SEPTIN7: variants seen among roughly 807,000 people sequenced by gnomAD.
SEPTIN7 encodes the protein septin-7.
SEPTIN7 carries 10 observed loss-of-function variants against 63.3 expected under a neutral mutation model. The observed-to-expected ratio is 0.16, with a 90% CI of 0.10 to 0.27. The LOEUF is 0.27. Ranked by LOEUF, SEPTIN7 falls within the 10% of genes least tolerant of loss-of-function variation. SEPTIN7 has a pLI of 1.00. For missense variants in SEPTIN7, 310 were observed against 521.0 expected, an observed-to-expected ratio of 0.59 and a Z score of 3.94; for synonymous variants, 131 against 165.3, an observed-to-expected ratio of 0.79 and a Z score of 1.59.
chr7:35,801,416 CCGGGGCGCGGCAGCGGCGGGCT>C (rs1787960254), intron 1 of SEPTIN7, 146 bp downstream of exon 1: 1 of 1,017,316 alleles, frequency 9.8e-7, no homozygotes, highest in African/African-American at 1.7e-5. Context: ...CACTGCGGGC[CCGGGGCGCGGCAGCGGCGGGCT>C]CGGGGGGAGG....
At chr7:35,840,102 C>T (rs1209984202) in intron 3 of SEPTIN7, among the ~76,000 whole-genome samples, 3 of 151,236 alleles carry the variant, frequency 2.0e-5, no homozygotes, top group South Asian at 2.1e-4. Flanking sequence ...TTCCCTTTTC[C>T]TTTTTCTTTT....
At chr7:35,833,807 C>G (rs1328852035) in intron 3 of SEPTIN7, among the ~76,000 whole-genome samples, 1 of 151,674 alleles carries the variant, frequency 6.6e-6, no homozygotes, top group Non-Finnish European at 1.5e-5. Context: ...TATTTTGGTG[C>G]TGAATTAGGT....
intron 10 of SEPTIN7, among the ~76,000 whole-genome samples, chr7:35,887,582 A>G (rs934239747): frequency 5.9e-5 from 9 of 152,296 alleles, no homozygotes; most frequent in Admixed American, 3.9e-4. Context: ...CCTGACCTCA[A>G]GTAAACCACC....
At chr7:35,832,603 T>C (rs534685882) in intron 2 of SEPTIN7, 195 bp from the exon 3 acceptor site, 1 of 487,010 alleles carries the variant, frequency 2.1e-6, no homozygotes, top group Admixed American at 3.4e-5. Flanking sequence ...AACCATTATA[T>C]TGTCAGTCAA....
At chr7:35,847,935 A>G (rs1230271313) in intron 3 of SEPTIN7, 2 of 152,200 alleles carry the variant, frequency 1.3e-5, no homozygotes, top group South Asian at 2.1e-4. Flanking sequence ...GAACCACTGT[A>G]TAGAACATGC....
At chr7:35,872,616 A>G in intron 4 of SEPTIN7, 50 bp from the exon 5 acceptor site, 1 of 1,389,442 alleles carries the variant, frequency 7.2e-7, no homozygotes, top group Admixed American at 1.7e-5. Context: ...CTTGTAGGAA[A>G]TCACTGATGT....
At chr7:35,877,692 T>C (rs1235602590) in intron 6 of SEPTIN7, among the ~76,000 whole-genome samples, 1 of 152,228 alleles carries the variant, frequency 6.6e-6, no homozygotes, top group African/African-American at 2.4e-5. Context: ...TCGGTTCTCA[T>C]TTAGAATTAC....
intron 3 of SEPTIN7, among the ~76,000 whole-genome samples, chr7:35,835,512 T>C (rs1298796001): frequency 6.6e-6 from 1 of 152,138 alleles, no homozygotes; most frequent in Non-Finnish European, 1.5e-5. Context: ...TGCTAGGAGA[T>C]GGCAGAACCA....
intron 3 of SEPTIN7, among the ~76,000 whole-genome samples, chr7:35,856,354 C>T (rs927037825): frequency 1.3e-5 from 2 of 152,092 alleles, no homozygotes; most frequent in African/African-American, 2.4e-5. Context: ...TCTGGATATA[C>T]CACAGTGTAT....
chr7:35,871,543 C>A lies in SEPTIN7; in HGVS notation c.277-1123C>A, dbSNP rs184180679. On this transcript the variant is annotated intron_variant, in intron 4 of 13. Coordinates refer to ENST00000350320, the MANE Select transcript of SEPTIN7 (RefSeq NM_001788.6). The stretch of plus-strand genomic sequence containing the variant: ...TTGGAGATGCAGTGTGGATACACAA[C>A]AATTCCATCATCTCAGAAAGTGTTA... 1.8e-3 allele frequency among the ~76,000 whole-genome samples: 269 copies of A among 152,316 alleles called. 2 individuals are homozygous for A. The highest frequency in any genetic ancestry group is 6.8e-3 in the Middle Eastern group (2 of 294).
Position 35,905,676 on chromosome 7 carries a change from C to T in SEPTIN7, c.*1383C>T, listed in dbSNP as rs1384892881. The T allele has an allele frequency of 4.6e-5, 7 of 152,176 alleles. No individual in the cohort carries two copies. The highest frequency in any genetic ancestry group is 1.9e-4 in the East Asian group (1 of 5,192). The allele number at this position is 152,176 out of a possible 1,614,324, so 9.4% of individuals were successfully genotyped here. On this transcript the variant is annotated 3_prime_UTR_variant, in exon 14 of 14. Coordinates refer to ENST00000350320, the MANE Select transcript of SEPTIN7 (RefSeq NM_001788.6). ...CTGGGATTGCAGGCGTGCACCACCA[C>T]GCCTGGCTAATTTTTGTATTTTTTG...
chr7:35,830,941 A>G (rs1783803332), intron 1 of SEPTIN7, among the ~76,000 whole-genome samples: 1 of 152,160 alleles, frequency 6.6e-6, no homozygotes, highest in Non-Finnish European at 1.5e-5. Flanking sequence ...TAATTAATAG[A>G]ACTTGAAATA....
Position 35,872,846 on chromosome 7 carries a change from A to G in SEPTIN7, c.377+80A>G, listed in dbSNP as rs140242520. On this transcript the variant is annotated intron_variant, in intron 5 of 13. Coordinates refer to ENST00000350320, the MANE Select transcript of SEPTIN7 (RefSeq NM_001788.6). ...TAAACTTTTTCTTCTTAACATTTTAAAACTTCTCATCTTAGCAAAGGTCAC... is the reference window on the plus strand; with the variant it reads ...TAAACTTTTTCTTCTTAACATTTTAGAACTTCTCATCTTAGCAAAGGTCAC... The G allele has an allele frequency of 2.4e-5, 23 of 951,936 alleles. No individual in the cohort carries two copies. In the African/African-American group the frequency reaches 2.9e-4, roughly 12 times the overall value. 59.0% of individuals were successfully genotyped at this position (951,936 alleles called of 1,614,324 possible).
At chr7:35,888,206 T>C (rs1227778815) in intron 10 of SEPTIN7, among the ~76,000 whole-genome samples, 1 of 149,446 alleles carries the variant, frequency 6.7e-6, no homozygotes, top group African/African-American at 2.5e-5. Flanking sequence ...GGGGAAACTA[T>C]TGCTAATTAA....
chr7:35,885,269 A>T (rs1787157715), intron 9 of SEPTIN7, among the ~76,000 whole-genome samples: 1 of 152,166 alleles, frequency 6.6e-6, no homozygotes, highest in Non-Finnish European at 1.5e-5. Context: ...TGCCCAGGCA[A>T]CTTTTACTTG....
At chr7:35,866,318 G>A (rs1157354101) in intron 4 of SEPTIN7, among the ~76,000 whole-genome samples, 1 of 152,188 alleles carries the variant, frequency 6.6e-6, no homozygotes, top group East Asian at 1.9e-4. Flanking sequence ...TTGATAGTTG[G>A]CTGGCTCCTT....
chr7:35,892,437 TATC>T (rs1465007460), intron 11 of SEPTIN7, among the ~76,000 whole-genome samples: 2 of 152,146 alleles, frequency 1.3e-5, no homozygotes, highest in Non-Finnish European at 2.9e-5. Flanking sequence ...ACTTTAAACT[TATC>T]ATTAACGATG....
chr7:35,847,317 C>A, intron 3 of SEPTIN7: 1 of 162,126 alleles, frequency 6.2e-6, no homozygotes, highest in South Asian at 1.6e-4. Context: ...TTTCAGGAAC[C>A]TCTGGCTTCA....
At chr7:35,851,662 T>G (rs545933974) in intron 3 of SEPTIN7, among the ~76,000 whole-genome samples, 1 of 152,282 alleles carries the variant, frequency 6.6e-6, no homozygotes, top group African/African-American at 2.4e-5. Context: ...ATAGGACTGA[T>G]TATAGTTCTC....
Sources: gnomAD v4.1 joint callset for allele counts (sites outside exome capture counted in the v4.1 genomes callset) on GRCh38, gnomAD v4.1.1 for gene constraint, MANE v1.5 for transcripts, NCBI Gene and HGNC (gene_info 2026-07-23, HGNC 2026-07-21) for gene names.